NLGN4X: variants seen among roughly 807,000 people sequenced by gnomAD.
NLGN4X encodes the protein neuroligin 4 X-linked, also known as neuroligin-4, X-linked.
In NLGN4X, 3 loss-of-function variants were observed where a neutral mutation model predicts 40.3. That is an observed-to-expected ratio of 0.07 (90% confidence interval 0.03 to 0.19). The LOEUF is 0.19. Among genes scored for constraint, NLGN4X ranks in the 10% least tolerant of loss-of-function variants. The pLI, the probability that NLGN4X is intolerant of heterozygous loss-of-function variation, is 1.00. For missense variants in NLGN4X, 382 were observed against 708.3 expected, an observed-to-expected ratio of 0.54 and a Z score of 5.23; for synonymous variants, 270 against 306.8, an observed-to-expected ratio of 0.88 and a Z score of 1.25.
intron 1 of NLGN4X, among the ~76,000 whole-genome samples, chrX:6,156,712 G>C (rs1190563956): frequency 9.1e-6 from 1 of 110,149 alleles, no homozygotes; most frequent in Non-Finnish European, 1.9e-5. Flanking sequence ...ACTACAGCAG[G>C]GAGAGGGAGG....
chrX:5,925,923 T>TATACATACAC (rs2033294755), intron 3 of NLGN4X, among the ~76,000 whole-genome samples: 1 of 61,359 alleles, frequency 1.6e-5, no homozygotes, highest in African/African-American at 6.3e-5. Context: ...TATATATATA[T>TATACATACAC]ATATATATAA....
chrX:5,934,269 T>A (rs895844818), intron 3 of NLGN4X, among the ~76,000 whole-genome samples: 3 of 112,070 alleles, frequency 2.7e-5, no homozygotes, highest in African/African-American at 9.7e-5. Context: ...GAATAGTTCA[T>A]TGTGTGTGCT....
Position 5,892,974 on chromosome X carries a change from C to T in NLGN4X, c.2294G>A (p.Arg765His), listed in dbSNP as rs1323836608. Residue 765 changes from arginine (R) to histidine (H), a missense_variant, in exon 6 of 6, where the codon CGC becomes CAC. Physicochemically the swap from Arg to His is conservative, Grantham distance 29. This residue lies in a region of NLGN4X where 57 missense variants were observed against 65.6 expected (regional missense o/e 0.87). Coordinates refer to ENST00000381095, the MANE Select transcript of NLGN4X (RefSeq NM_181332.3). Reference protein sequence around the residue: ...TCPPDYTLTLRRSPDDIPLMT... With the variant: ...TCPPDYTLTLHRSPDDIPLMT... ...AAGTGGGATGTCATCTGGCGACCGG[C>T]GCAGCGTGAGGGTGTAGTCTGGCGG... is the stretch of plus-strand genomic sequence containing the variant. 1.4e-5 allele frequency: 17 copies of T among 1,209,347 alleles called. No individual in the cohort carries two copies. Among genetic ancestry groups the T allele is most frequent in the South Asian group, 1.8e-5 (1 of 56,732 alleles).
intron 1 of NLGN4X, among the ~76,000 whole-genome samples, chrX:6,155,697 G>A (rs189724289): frequency 8.9e-6 from 1 of 112,492 alleles, no homozygotes; most frequent in East Asian, 2.8e-4. Context: ...CCTACATAAA[G>A]GAGATTACAA....
chrX:6,123,011 T>TA (rs376807252), intron 2 of NLGN4X, among the ~76,000 whole-genome samples: 42 of 98,738 alleles, frequency 4.3e-4, no homozygotes, highest in South Asian at 3.1e-3. Context: ...ACCAGTCCTA[T>TA]AAAAAAAAAT....
chrX:6,139,234 T>C (rs750551806), intron 2 of NLGN4X, among the ~76,000 whole-genome samples: 2 of 111,973 alleles, frequency 1.8e-5, no homozygotes, highest in Non-Finnish European at 3.8e-5. Flanking sequence ...ATAAAAAGTA[T>C]ATTTGAATTT....
At position 6,016,250 on chromosome X, in the gene NLGN4X, CTTCT is replaced by C. The variant is rs774697700; in HGVS notation, c.625+13026_625+13029del. Among the ~76,000 whole-genome samples, 4 of 112,105 alleles carry C rather than the reference CTTCT, an allele frequency of 3.6e-5. No homozygotes were observed. The East Asian group carries it at 1.1e-3, about 31-fold the overall frequency. On this transcript the variant is annotated intron_variant, in intron 3 of 5. Coordinates refer to ENST00000381095, the MANE Select transcript of NLGN4X (RefSeq NM_181332.3). ...ATCTGTAAGACACGCAGAACAACCT[CTTCT>C]TTTTTATTTTCTTTGCATTCTCACT...
Position 5,892,933 on chromosome X carries a change from T to C in NLGN4X, c.2335A>G (p.Ile779Val). ...DDIPLMTPNT[I>V]TMIPNTLTGM... Reference sequence around the variant, plus strand: ...GTCAGTGTGTTTGGAATCATGGTGATGGTGTTTGGCGTCATAAGTGGGATG... The same window carrying C: ...GTCAGTGTGTTTGGAATCATGGTGACGGTGTTTGGCGTCATAAGTGGGATG... Residue 779 changes from isoleucine (I) to valine (V), a missense_variant, in exon 6 of 6, where the codon ATC becomes GTC. Physicochemically the swap from Ile to Val is conservative, Grantham distance 29. This residue lies in a region of NLGN4X where 57 missense variants were observed against 65.6 expected (regional missense o/e 0.87). Coordinates refer to ENST00000381095, the MANE Select transcript of NLGN4X (RefSeq NM_181332.3). 8.3e-7 allele frequency: 1 copy of C among 1,211,297 alleles called. No individual in the cohort carries two copies. Among genetic ancestry groups the C allele is most frequent in the Non-Finnish European group, 1.1e-6 (1 of 895,434 alleles).
In NLGN4X at chrX:6,098,325, TA is replaced by T. The variant is rs199870415; in HGVS notation, c.472+52669del. ...TAAAATACATAAATAAAAATAATAATAAAAAAATAAAAACTAGAAAAGCACA... is the reference window on the plus strand; with the variant it reads ...TAAAATACATAAATAAAAATAATAATAAAAAATAAAAACTAGAAAAGCACA... On this transcript the variant is annotated intron_variant, in intron 2 of 5. Coordinates refer to ENST00000381095, the MANE Select transcript of NLGN4X (RefSeq NM_181332.3). 1.9e-3 allele frequency among the ~76,000 whole-genome samples: 208 copies of T among 110,589 alleles called. 2 individuals carry two copies. The highest frequency in any genetic ancestry group is 0.017 in the East Asian group (60 of 3,514).
intron 2 of NLGN4X, among the ~76,000 whole-genome samples, chrX:6,067,955 C>T (rs889859833): frequency 1.8e-5 from 2 of 111,273 alleles, no homozygotes; most frequent in Non-Finnish European, 3.8e-5. Flanking sequence ...TAATGGATGG[C>T]TCACCCTCAA....
chrX:5,902,916 T>C (rs1227299081), intron 5 of NLGN4X, among the ~76,000 whole-genome samples, 161 bp downstream of exon 5: 1 of 112,234 alleles, frequency 8.9e-6, no homozygotes, highest in Non-Finnish European at 1.9e-5. Flanking sequence ...TGCCTGTTAC[T>C]GCTGTGTGTG....
At chrX:6,019,743 T>G (rs941896518) in intron 3 of NLGN4X, among the ~76,000 whole-genome samples, 1 of 111,492 alleles carries the variant, frequency 9.0e-6, no homozygotes, top group Non-Finnish European at 1.9e-5. Context: ...ACCTTTCACA[T>G]ACTGGATGAG....
chrX:5,993,559 A>G (rs1464711685), intron 3 of NLGN4X, among the ~76,000 whole-genome samples: 3 of 111,854 alleles, frequency 2.7e-5, no homozygotes, highest in Non-Finnish European at 3.8e-5. Context: ...CATGACTGAG[A>G]GCCATGGTTC....
chrX:6,202,137 A>C (rs1236876280), intron 1 of NLGN4X, among the ~76,000 whole-genome samples: 1 of 110,195 alleles, frequency 9.1e-6, no homozygotes, highest in East Asian at 2.9e-4. Context: ...TCCAAGCAGG[A>C]TATGGGTTTG....
chrX:5,973,970 C>T (rs1175243429), intron 3 of NLGN4X, among the ~76,000 whole-genome samples: 1 of 111,988 alleles, frequency 8.9e-6, no homozygotes, highest in Non-Finnish European at 1.9e-5. Context: ...ACAGAGGCTT[C>T]CTGAAGAATG....
rs141535549 is a variant in NLGN4X, at chrX:5,899,083, A to C, written c.1601+3994T>G. 3.9e-3 allele frequency among the ~76,000 whole-genome samples: 438 copies of C among 112,462 alleles called. 3 individuals are homozygous for C. The highest frequency in any genetic ancestry group is 0.013 in the African/African-American group (399 of 30,947). On this transcript the variant is annotated intron_variant, in intron 5 of 5. Transcript: ENST00000381095. ...GGCTGCCATGGAGGTGTGATCACTT[A>C]AACTATTTGTATTTGAATCCACACG...
At chrX:6,176,166 C>T (rs2040730442) in intron 1 of NLGN4X, among the ~76,000 whole-genome samples, 1 of 111,692 alleles carries the variant, frequency 9.0e-6, no homozygotes, top group Non-Finnish European at 1.9e-5. Flanking sequence ...CTCTCTCCCT[C>T]TGTGCAATCC....
At chrX:6,021,077 C>CCTCTCTCTCTCTCTCTCTCTCTCTCT (rs1423877036) in intron 3 of NLGN4X, among the ~76,000 whole-genome samples, 1 of 22,174 alleles carries the variant, frequency 4.5e-5, no homozygotes, top group Non-Finnish European at 7.7e-5. Flanking sequence ...TCCCTCCCTC[C>CCTCTCTCTCTCTCTCTCTCTCTCTCT]CTCTCTCTCT....
intron 3 of NLGN4X, among the ~76,000 whole-genome samples, chrX:5,941,181 GTGTGTGT>G (rs1463191346): frequency 2.8e-4 from 5 of 18,098 alleles, no homozygotes; most frequent in East Asian, 3.9e-3. Context: ...ATGCTAGGGG[GTGTGTGT>G]GTGTGTGTGT....
Sources: allele counts gnomAD v4.1 joint callset (sites outside exome capture counted in the v4.1 genomes callset), GRCh38; gene constraint gnomAD v4.1.1; regional missense constraint gnomAD v4.1.1; transcripts MANE v1.5; gene names NCBI Gene and HGNC (gene_info 2026-07-23, HGNC 2026-07-21).